Variants in PTBP3 observed in about 807,000 individuals in gnomAD.
The protein encoded by PTBP3 is polypyrimidine tract-binding protein 3.
A neutral mutation model predicts 58.7 loss-of-function variants in PTBP3; 20 were observed. That is an observed-to-expected ratio of 0.34 (90% confidence interval 0.24 to 0.50). The LOEUF (loss-of-function observed/expected upper bound fraction) is 0.50, where lower values mean the gene tolerates loss of function less well. PTBP3 is among the 20% of genes least tolerant of loss of function. The pLI is 0.98. For missense variants in PTBP3, 509 were observed against 637.2 expected (o/e 0.80, Z 2.17); for synonymous variants, 185 against 219.8 (o/e 0.84, Z 1.40).
chr9:112,220,946 T>A lies in PTBP3; in HGVS notation c.*2905A>T, dbSNP rs922200138. The A allele has an allele frequency of 1.0e-6, 1 of 964,094 alleles. No homozygotes were observed. The highest frequency in any genetic ancestry group is 6.2e-5 in the Admixed American group (1 of 16,232). The allele number at this position is 964,094 out of a possible 1,614,324, so 59.7% of individuals were successfully genotyped here. Reference sequence around the variant, plus strand: ...CCATTGCTAGAAGATACTGAATAAATGCATGCCAAAACAGAGATACACAGA... The same window carrying A: ...CCATTGCTAGAAGATACTGAATAAAAGCATGCCAAAACAGAGATACACAGA... On this transcript the variant is annotated 3_prime_UTR_variant, in exon 14 of 14. Coordinates refer to ENST00000374257, the MANE Select transcript of PTBP3 (RefSeq NM_001163788.4).
chr9:112,223,901 G>C lies in PTBP3; in HGVS notation c.1525C>G (p.Leu509Val), dbSNP rs147504197. ...QALIELHNHDLGENHHLRVSF... is the reference protein window; with the variant it reads ...QALIELHNHDVGENHHLRVSF... ...ACTCTGAGGTGGTGATTTTCTCCAA[G>C]GTCATGGTTATGAAGCTCAATGAGG... The change falls in exon 14 of 14, where the codon CTT becomes GTT. Residue 509 changes from leucine to valine, a missense_variant. Physicochemically the swap from Leu to Val is conservative, Grantham distance 32. Around this residue, in one of 4 missense-constraint regions of PTBP3, gnomAD observed 135 missense variants for 229.0 expected, o/e 0.59. Transcript: ENST00000374257. The C allele has an allele frequency of 1.2e-6, 2 of 1,613,512 alleles. No homozygotes were observed. Among genetic ancestry groups the C allele is most frequent in the Non-Finnish European group, 1.7e-6 (2 of 1,179,692 alleles).
Position 112,306,678 on chromosome 9 carries a change from G to A in PTBP3, c.-51-8762C>T, listed in dbSNP as rs185658579. On this transcript the variant is annotated intron_variant, in intron 1 of 13. Coordinates refer to ENST00000374257, the MANE Select transcript of PTBP3 (RefSeq NM_001163788.4). ...GTCACCCAGGATGCAGTGCAGTGGC[G>A]CTACTGGGTTCACTGCAACCTCTGC... is the stretch of plus-strand genomic sequence containing the variant. Among the ~76,000 whole-genome samples the A allele has an allele frequency of 2.2e-3, 336 of 151,476 alleles. 1 individual carries two copies. The highest frequency in any genetic ancestry group is 7.5e-3 in the African/African-American group (310 of 41,340).
chr9:112,369,041 G>A, the PTBP3 span, among the ~76,000 whole-genome samples: 2 of 152,212 alleles, frequency 1.3e-5, no homozygotes, highest in African/African-American at 4.8e-5. Context: ...AAGAGGTGAG[G>A]AATTAAGGAT....
the PTBP3 span, among the ~76,000 whole-genome samples, chr9:112,378,044 GA>G: frequency 6.6e-6 from 1 of 152,170 alleles, no homozygotes; most frequent in South Asian, 2.1e-4. Context: ...GCTGCAGTCA[GA>G]AGTGTTCTAA....
rs141410249 is a variant in PTBP3 at position 112,318,678 on chromosome 9, T to C, written c.-52+14792A>G. 7.6e-3 allele frequency among the ~76,000 whole-genome samples: 1,150 copies of C among 151,814 alleles called. 21 individuals carry two copies. Among genetic ancestry groups the C allele is most frequent in the African/African-American group, 0.026 (1,095 of 41,340 alleles). ...AGGAAGCTAGGGCAGGAGAATCACT[T>C]GAACCTGGGAGGCAGAGGTTGCAGT... On this transcript the variant is annotated intron_variant, in intron 1 of 13. Coordinates refer to ENST00000374257, the MANE Select transcript of PTBP3 (RefSeq NM_001163788.4).
chr9:112,251,862 A>G (rs1390194318), intron 6 of PTBP3, among the ~76,000 whole-genome samples: 1 of 152,164 alleles, frequency 6.6e-6, no homozygotes, highest in Non-Finnish European at 1.5e-5. Context: ...GTAAAGGTAC[A>G]AAATAATATA....
the PTBP3 span, among the ~76,000 whole-genome samples, chr9:112,350,769 T>C: frequency 5.4e-4 from 82 of 152,294 alleles, no homozygotes; most frequent in African/African-American, 1.8e-3. Context: ...GAGTCTCTCA[T>C]GAGGTTGCAC....
chr9:112,264,319 TAA>T (rs1312093029), intron 4 of PTBP3, among the ~76,000 whole-genome samples: 12 of 152,222 alleles, frequency 7.9e-5, no homozygotes, highest in Admixed American at 4.6e-4. Context: ...GGCAGATTTA[TAA>T]ACTTTCATCC....
chr9:112,222,225 T>C lies in PTBP3; in HGVS notation c.*1626A>G, dbSNP rs150942423. ...TGCTTTAAAAAATTCTGATCAACAA[T>C]TGAAGAAATAATAGCAAAGTTTCTT... On this transcript the variant is annotated 3_prime_UTR_variant, in exon 14 of 14. Coordinates refer to ENST00000374257, the MANE Select transcript of PTBP3 (RefSeq NM_001163788.4). 0.011 allele frequency: 10,466 copies of C among 979,096 alleles called. 71 individuals are homozygous for C. The highest frequency in any genetic ancestry group is 0.019 in the Middle Eastern group (36 of 1,902). 60.7% of individuals were successfully genotyped at this position (979,096 alleles called of 1,614,324 possible).
intron 2 of PTBP3, among the ~76,000 whole-genome samples, chr9:112,287,957 G>C (rs1351928839): frequency 6.6e-6 from 1 of 152,048 alleles, no homozygotes; most frequent in Non-Finnish European, 1.5e-5. Flanking sequence ...TTCTTAACAT[G>C]TCTGGCAATT....
the PTBP3 span, among the ~76,000 whole-genome samples, chr9:112,349,779 G>A: frequency 7.1e-6 from 1 of 139,900 alleles, no homozygotes; most frequent in African/African-American, 2.7e-5. Flanking sequence ...CACGAGAATC[G>A]CTTGAATCTG....
intron 2 of PTBP3, among the ~76,000 whole-genome samples, chr9:112,284,735 C>A (rs1828033543): frequency 6.6e-6 from 1 of 151,956 alleles, no homozygotes; most frequent in Non-Finnish European, 1.5e-5. Context: ...ACAACAACAA[C>A]AAAAACAAGA....
chr9:112,252,290 T>C, intron 6 of PTBP3: 1 of 226,496 alleles, frequency 4.4e-6, no homozygotes, highest in South Asian at 6.4e-5. Flanking sequence ...ATGCACCTGA[T>C]CTCATCTGAT....
At chr9:112,334,323 A>G (rs1830519139), upstream of PTBP3, among the ~76,000 whole-genome samples, 1 of 152,206 alleles carries the variant, frequency 6.6e-6, no homozygotes. Context: ...ACAAACATGG[A>G]ATGGCTATAT....
chr9:112,301,983 T>C (rs1828954536), intron 1 of PTBP3, among the ~76,000 whole-genome samples: 1 of 152,154 alleles, frequency 6.6e-6, no homozygotes, highest in South Asian at 2.1e-4. Flanking sequence ...CTGTCTTCAC[T>C]AACAGTCATC....
chr9:112,298,402 G>A (rs3808881), intron 1 of PTBP3, among the ~76,000 whole-genome samples: 127,871 of 152,140 alleles, frequency 0.84, 54,026 homozygotes, highest in African/African-American at 0.92. Flanking sequence ...GATCTTTAAT[G>A]CAGACTATTT....
At chr9:112,303,412 G>C (rs1008866295) in intron 1 of PTBP3, among the ~76,000 whole-genome samples, 5 of 152,200 alleles carry the variant, frequency 3.3e-5, no homozygotes, top group African/African-American at 9.6e-5. Flanking sequence ...ACATAATTTT[G>C]TCAAATATGT....
chr9:112,235,646 T>C lies in PTBP3; in HGVS notation c.803-749A>G, dbSNP rs1018876688. ...ATATTCAAAAAGAAATGGCCAAAAG[T>C]GGAAATAAGGGCACAAACTCAGATT... On this transcript the variant is annotated intron_variant, in intron 7 of 13. Coordinates refer to ENST00000374257, the MANE Select transcript of PTBP3 (RefSeq NM_001163788.4). 2.6e-5 allele frequency among the ~76,000 whole-genome samples: 4 copies of C among 151,952 alleles called. No individual in the cohort carries two copies. The East Asian group carries it at 7.7e-4, about 29-fold the overall frequency.
chr9:112,346,932 C>G, the PTBP3 span, among the ~76,000 whole-genome samples: 1 of 152,126 alleles, frequency 6.6e-6, no homozygotes, highest in Non-Finnish European at 1.5e-5. Flanking sequence ...CCATGTTGGC[C>G]AGGCTGGTCT....
Sources: gnomAD v4.1 joint callset for allele counts (sites outside exome capture counted in the v4.1 genomes callset) on GRCh38, gnomAD v4.1.1 for gene constraint, gnomAD v4.1.1 regional missense constraint, MANE v1.5 for transcripts, NCBI Gene and HGNC (gene_info 2026-07-23, HGNC 2026-07-21) for gene names.